The following HYCC2 variants were observed in gnomAD, a reference collection of about 807,000 sequenced individuals.
HYCC2 encodes the protein hyccin PI4KA lipid kinase complex subunit 2.
chr2:201,023,080 G>T, the HYCC2 span: 1 of 553,686 alleles, frequency 1.8e-6, no homozygotes, highest in Non-Finnish European at 3.1e-6. Flanking sequence ...TGGGCACAGT[G>T]GCTCACGTCT....
chr2:201,012,980 C>A, the HYCC2 span, among the ~76,000 whole-genome samples: 1 of 151,876 alleles, frequency 6.6e-6, no homozygotes, highest in Non-Finnish European at 1.5e-5. Flanking sequence ...CACACACACA[C>A]ACACGCCTAC....
At chr2:201,040,541 T>C in the HYCC2 span, among the ~76,000 whole-genome samples, 1 of 151,614 alleles carries the variant, frequency 6.6e-6, no homozygotes, top group Non-Finnish European at 1.5e-5. Flanking sequence ...CAGGCTGGAG[T>C]GCAGTGGCAA....
At chr2:201,040,222 T>G in the HYCC2 span, among the ~76,000 whole-genome samples, 5 of 151,814 alleles carry the variant, frequency 3.3e-5, no homozygotes, top group African/African-American at 1.2e-4. Flanking sequence ...CTATTAAGTA[T>G]AAACATGGTA....
the HYCC2 span, among the ~76,000 whole-genome samples, chr2:201,067,811 C>A: frequency 1.9e-3 from 297 of 152,322 alleles, no homozygotes; most frequent in Admixed American, 3.1e-3. Flanking sequence ...AGATAGCTTT[C>A]AGGGACAGTA....
chr2:201,054,289 T>C, the HYCC2 span, among the ~76,000 whole-genome samples: 1 of 152,372 alleles, frequency 6.6e-6, no homozygotes, highest in South Asian at 2.1e-4. Flanking sequence ...CTTCATTCCA[T>C]ATGCCTTTCG....
chr2:201,010,645 T>TA, the HYCC2 span, among the ~76,000 whole-genome samples: 4 of 152,038 alleles, frequency 2.6e-5, no homozygotes, highest in African/African-American at 9.7e-5. Context: ...ATACAACAAT[T>TA]AGAGTGTCAA....
chr2:201,060,528 G>A, the HYCC2 span, among the ~76,000 whole-genome samples: 3 of 152,244 alleles, frequency 2.0e-5, no homozygotes, highest in Non-Finnish European at 4.4e-5. Context: ...GCAACCATTA[G>A]GTAATCTTGA....
chr2:201,030,932 C>T, the HYCC2 span, among the ~76,000 whole-genome samples: 1 of 152,110 alleles, frequency 6.6e-6, no homozygotes, highest in Non-Finnish European at 1.5e-5. Flanking sequence ...CTTATCTGTC[C>T]AATAACTTAC....
chr2:201,070,999 C>T, the HYCC2 span, among the ~76,000 whole-genome samples: 1 of 152,244 alleles, frequency 6.6e-6, no homozygotes, highest in South Asian at 2.1e-4. Context: ...AGAGAACCTG[C>T]CAATGTAAAT....
At chr2:200,976,628 C>T in the HYCC2 span, 1 of 152,058 alleles carries the variant, frequency 6.6e-6, no homozygotes, top group Non-Finnish European at 1.5e-5. Flanking sequence ...TTTAAAGCTA[C>T]TAGATGGAAT....
At chr2:201,012,940 C>T in the HYCC2 span, among the ~76,000 whole-genome samples, 6 of 134,564 alleles carry the variant, frequency 4.5e-5, no homozygotes, top group Admixed American at 1.5e-4. Context: ...AGCGAGACTT[C>T]GTTTCAAAAA....
At chr2:201,048,068 T>C in the HYCC2 span, among the ~76,000 whole-genome samples, 1 of 152,052 alleles carries the variant, frequency 6.6e-6, no homozygotes, top group Non-Finnish European at 1.5e-5. Flanking sequence ...GTAAACAGTA[T>C]AAGGAAATGT....
the HYCC2 span, among the ~76,000 whole-genome samples, chr2:201,008,637 A>G: frequency 6.6e-6 from 1 of 152,040 alleles, no homozygotes; most frequent in African/African-American, 2.4e-5. Context: ...GCTCATGCCT[A>G]TAATCTCAGC....
the HYCC2 span, among the ~76,000 whole-genome samples, chr2:201,040,184 AAAGT>A: frequency 6.6e-6 from 1 of 151,954 alleles, no homozygotes; most frequent in Non-Finnish European, 1.5e-5. Flanking sequence ...AAAAAAAAAA[AAAGT>A]GAGGAAATAA....
At chr2:201,038,729 C>G in the HYCC2 span, among the ~76,000 whole-genome samples, 27 of 151,962 alleles carry the variant, frequency 1.8e-4, no homozygotes, top group Admixed American at 3.3e-4. Flanking sequence ...GAACATCACA[C>G]ACCGGGGCCT....
At chr2:200,985,792 A>C in the HYCC2 span, among the ~76,000 whole-genome samples, 5 of 152,316 alleles carry the variant, frequency 3.3e-5, no homozygotes, top group African/African-American at 9.6e-5. Flanking sequence ...ATAGATATTA[A>C]AATAGGATAT....
At chr2:201,015,791 G>A in the HYCC2 span, among the ~76,000 whole-genome samples, 4 of 152,088 alleles carry the variant, frequency 2.6e-5, no homozygotes, top group Admixed American at 6.6e-5. Flanking sequence ...TTTCCAGGAC[G>A]TGACTTGACT....
chr2:200,992,905 G>C, the HYCC2 span: 1 of 1,606,176 alleles, frequency 6.2e-7, no homozygotes. Context: ...ATAAACCCCT[G>C]TGAGAAGTTG....
chr2:201,038,356 C>G, the HYCC2 span, among the ~76,000 whole-genome samples: 2 of 152,212 alleles, frequency 1.3e-5, no homozygotes, highest in Middle Eastern at 3.4e-3. Context: ...GGATCTAGAA[C>G]TAGAAATACC....
Sources: allele counts gnomAD v4.1 joint callset (sites outside exome capture counted in the v4.1 genomes callset), GRCh38; gene constraint gnomAD v4.1.1; transcripts MANE v1.5; gene names NCBI Gene and HGNC (gene_info 2026-07-23, HGNC 2026-07-21).